The following CHST8 variants were observed in gnomAD, a reference collection of about 807,000 sequenced individuals.
CHST8 encodes the protein carbohydrate sulfotransferase 8, also known as GALNAC-4-ST1.
In CHST8, 10 loss-of-function variants were observed where a neutral mutation model predicts 15.0. The ratio of observed to expected loss-of-function variants is 0.67; its 90% CI spans 0.41 to 1.13. The LOEUF (loss-of-function observed/expected upper bound fraction) is 1.13. Among genes scored for constraint, CHST8 ranks in the 50% most tolerant of loss-of-function variants. The pLI is 0.00. For missense variants in CHST8, 634 were observed against 608.2 expected (o/e 1.04, Z -0.45); for synonymous variants, 259 against 256.6 (o/e 1.01, Z -0.09).
At chr19:33,762,051 C>T (rs144344099) in intron 3 of CHST8, among the ~76,000 whole-genome samples, 7 of 152,208 alleles carry the variant, frequency 4.6e-5, no homozygotes, top group Non-Finnish European at 7.3e-5. Context: ...TGCATTTCCT[C>T]GGCATGCCTG....
intron 3 of CHST8, among the ~76,000 whole-genome samples, chr19:33,717,728 C>T (rs1435092698): frequency 6.6e-6 from 1 of 152,076 alleles, no homozygotes; most frequent in Non-Finnish European, 1.5e-5. Flanking sequence ...CTAGGAGAAA[C>T]CGAGGTCATA....
rs961937360 is a variant in CHST8, at chr19:33,773,118, G to A, written c.*55G>A. ...GCCCCGGTCACTCACCTGTGCTCCC[G>A]GGCATCCTCCTGTCCCTGGCTCCTC... is the stretch of plus-strand genomic sequence containing the variant. On this transcript the variant is annotated 3_prime_UTR_variant, in exon 5 of 5. Transcript: ENST00000650847. 15 of 1,516,042 alleles carry A rather than the reference G, an allele frequency of 9.9e-6. No individual in the cohort carries two copies. The highest frequency in any genetic ancestry group is 1.4e-5 in the African/African-American group (1 of 72,764). 93.9% of individuals were successfully genotyped at this position (1,516,042 alleles called of 1,614,324 possible). A position where few individuals can be genotyped will look rare whatever the true frequency, so the allele number is the denominator to read the frequency against.
chr19:33,752,381 C>G (rs986210903), intron 3 of CHST8, among the ~76,000 whole-genome samples: 7 of 152,184 alleles, frequency 4.6e-5, no homozygotes, highest in Non-Finnish European at 1.0e-4. Context: ...AGGAAATCCA[C>G]TTAGATATTC....
At chr19:33,695,628 C>G (rs150324283) in intron 3 of CHST8, among the ~76,000 whole-genome samples, 7 of 152,090 alleles carry the variant, frequency 4.6e-5, no homozygotes, top group African/African-American at 1.7e-4. Flanking sequence ...TTTAGGTCCC[C>G]ACAGCTTAGC....
At chr19:33,723,167 G>C (rs778442571) in intron 3 of CHST8, among the ~76,000 whole-genome samples, 1 of 152,228 alleles carries the variant, frequency 6.6e-6, no homozygotes, top group Non-Finnish European at 1.5e-5. Context: ...CTGTGGGTGG[G>C]ATTGGATCTT....
At chr19:33,706,155 C>A (rs1199731512) in intron 3 of CHST8, among the ~76,000 whole-genome samples, 2 of 152,218 alleles carry the variant, frequency 1.3e-5, no homozygotes, top group Non-Finnish European at 2.9e-5. Flanking sequence ...GACAACCACT[C>A]AGGGCTGGGA....
chr19:33,650,722 T>C (rs1972436861), intron 1 of CHST8, among the ~76,000 whole-genome samples: 1 of 151,580 alleles, frequency 6.6e-6, no homozygotes, highest in South Asian at 2.1e-4. Flanking sequence ...GTTTTTGTTT[T>C]ATCTTGAGAC....
At chr19:33,683,241 G>A (rs1161560167) in intron 2 of CHST8, among the ~76,000 whole-genome samples, 1 of 152,172 alleles carries the variant, frequency 6.6e-6, no homozygotes, top group African/African-American at 2.4e-5. Flanking sequence ...ACCATGTCAG[G>A]GGACAATCAG....
chr19:33,722,061 T>C (rs978518108), intron 3 of CHST8, among the ~76,000 whole-genome samples: 1 of 135,002 alleles, frequency 7.4e-6, no homozygotes, highest in Non-Finnish European at 1.6e-5. Context: ...GACAGACTGA[T>C]GGATGAGATG....
intron 1 of CHST8, among the ~76,000 whole-genome samples, chr19:33,624,597 A>G (rs1054650558): frequency 1.3e-5 from 2 of 152,164 alleles, no homozygotes; most frequent in Non-Finnish European, 2.9e-5. Flanking sequence ...TTTTTGCCGT[A>G]TGGTTGTTGA....
At chr19:33,689,082 C>T (rs532926757) in intron 2 of CHST8, 94 bp from the exon 3 acceptor site, 15 of 591,480 alleles carry the variant, frequency 2.5e-5, no homozygotes, top group South Asian at 1.5e-4. Context: ...CAGAGTCATC[C>T]GGGGATTGCA....
At chr19:33,685,488 T>C (rs1186390889) in intron 2 of CHST8, among the ~76,000 whole-genome samples, 3 of 151,690 alleles carry the variant, frequency 2.0e-5, no homozygotes, top group African/African-American at 7.3e-5. Context: ...TTATTTTTCT[T>C]GCCTGAACCC....
At chr19:33,706,626 G>A (rs1454730621) in intron 3 of CHST8, among the ~76,000 whole-genome samples, 1 of 152,146 alleles carries the variant, frequency 6.6e-6, no homozygotes, top group African/African-American at 2.4e-5. Flanking sequence ...CATTCCAGCA[G>A]GCACTCAGCA....
At chr19:33,732,731 G>A (rs578202638) in intron 3 of CHST8, among the ~76,000 whole-genome samples, 58 of 152,152 alleles carry the variant, frequency 3.8e-4, no homozygotes, top group Non-Finnish European at 5.1e-4. Flanking sequence ...CCAATGAACC[G>A]AAGTGGGCAG....
intron 3 of CHST8, among the ~76,000 whole-genome samples, chr19:33,723,537 G>T (rs1973839845): frequency 6.6e-6 from 1 of 152,152 alleles, no homozygotes; most frequent in Admixed American, 6.5e-5. Flanking sequence ...CTGCTCAGCT[G>T]GTGCCTAGAA....
Position 33,629,503 on chromosome 19 carries a change from T to C in CHST8, c.-164+7207T>C, listed in dbSNP as rs542685511. Among the ~76,000 whole-genome samples, 126 of 152,388 alleles carry C rather than the reference T, an allele frequency of 8.3e-4. 1 individual carries two copies. Among genetic ancestry groups the C allele is most frequent in the African/African-American group, 2.9e-3 (120 of 41,598 alleles). ...CCCTCTGATGTTGGTGAATTTCCTG[T>C]GGCTGTCTGCAGCACAGGTCGGGCC... On this transcript the variant is annotated intron_variant, in intron 1 of 4. Coordinates refer to ENST00000650847, the MANE Select transcript of CHST8 (RefSeq NM_001127895.2).
At chr19:33,745,606 G>T (rs1217453833) in intron 3 of CHST8, among the ~76,000 whole-genome samples, 1 of 152,220 alleles carries the variant, frequency 6.6e-6, no homozygotes, top group Admixed American at 6.5e-5. Context: ...GGCTGGGAGG[G>T]AGGTGCCCTC....
chr19:33,717,045 G>A (rs1599579647), intron 3 of CHST8, among the ~76,000 whole-genome samples: 1 of 152,134 alleles, frequency 6.6e-6, no homozygotes, highest in African/African-American at 2.4e-5. Context: ...ATACCGGTGG[G>A]CTGGGGGAGG....
chr19:33,688,914 AG>A (rs1164086279), intron 2 of CHST8, among the ~76,000 whole-genome samples: 1 of 152,134 alleles, frequency 6.6e-6, no homozygotes. Flanking sequence ...TCCCCAAGGC[AG>A]GGCCAGAGGG....
Sources: allele counts gnomAD v4.1 joint callset (sites outside exome capture counted in the v4.1 genomes callset), GRCh38; gene constraint gnomAD v4.1.1; transcripts MANE v1.5; gene names NCBI Gene and HGNC (gene_info 2026-07-23, HGNC 2026-07-21).